CYP7B1: variants seen among roughly 807,000 people sequenced by gnomAD.
CYP7B1 encodes cytochrome P450 7B1.
A neutral mutation model predicts 42.7 loss-of-function variants in CYP7B1; 29 were observed. The ratio of observed to expected loss-of-function variants is 0.68; its 90% CI spans 0.51 to 0.93. The LOEUF (loss-of-function observed/expected upper bound fraction) is 0.93. Ranked by LOEUF, CYP7B1 falls within the 40% of genes least tolerant of loss-of-function variation. CYP7B1 has a pLI of 0.00. For missense variants in CYP7B1, 655 were observed against 600.5 expected (o/e 1.09, Z -0.95); for synonymous variants, 235 against 218.2 (o/e 1.08, Z -0.68).
intron 1 of CYP7B1, among the ~76,000 whole-genome samples, chr8:64,784,080 T>C (rs1804479266): frequency 6.6e-6 from 1 of 152,158 alleles, no homozygotes; most frequent in Non-Finnish European, 1.5e-5. Context: ...AACCAGTCTT[T>C]CATCACAGCT....
chr8:64,649,559 C>T (rs1806008402), intron 1 of CYP7B1, among the ~76,000 whole-genome samples: 1 of 152,130 alleles, frequency 6.6e-6, no homozygotes, highest in Admixed American at 6.6e-5. Flanking sequence ...GCTTTGAATT[C>T]CTTTGGATAG....
chr8:64,611,151 G>C (rs1347746641), intron 4 of CYP7B1, among the ~76,000 whole-genome samples: 1 of 151,954 alleles, frequency 6.6e-6, no homozygotes, highest in African/African-American at 2.4e-5. Context: ...ATTCCTCTCC[G>C]CTCTCAGCTG....
chr8:64,787,003 G>A (rs1303612389), intron 1 of CYP7B1, among the ~76,000 whole-genome samples: 1 of 152,240 alleles, frequency 6.6e-6, no homozygotes, highest in African/African-American at 2.4e-5. Flanking sequence ...TACAGCTGGA[G>A]CTGAGGCATC....
intron 1 of CYP7B1, among the ~76,000 whole-genome samples, chr8:64,741,694 C>G (rs1229793749): frequency 6.6e-6 from 1 of 152,198 alleles, no homozygotes; most frequent in Non-Finnish European, 1.5e-5. Context: ...GGAAATTACT[C>G]TCATACATAC....
At chr8:64,616,965 A>G (rs1240395174) in intron 2 of CYP7B1, among the ~76,000 whole-genome samples, 1 of 152,154 alleles carries the variant, frequency 6.6e-6, no homozygotes, top group Non-Finnish European at 1.5e-5. Flanking sequence ...CATTCACCAC[A>G]TTTATTAAGA....
intron 1 of CYP7B1, among the ~76,000 whole-genome samples, chr8:64,756,296 A>T (rs1227931060): frequency 2.0e-5 from 3 of 152,224 alleles, no homozygotes; most frequent in African/African-American, 7.2e-5. Context: ...AATGAAGTTG[A>T]CTGACTAATG....
intron 1 of CYP7B1, among the ~76,000 whole-genome samples, chr8:64,684,804 A>T (rs188166762): frequency 3.3e-5 from 5 of 152,374 alleles, no homozygotes; most frequent in African/African-American, 1.2e-4. Flanking sequence ...TCCAAAGAAG[A>T]TATACAAAAT....
At chr8:64,713,572 A>G (rs532801143) in intron 1 of CYP7B1, among the ~76,000 whole-genome samples, 1 of 152,302 alleles carries the variant, frequency 6.6e-6, no homozygotes, top group Non-Finnish European at 1.5e-5. Flanking sequence ...AATGTCTGTA[A>G]CAAAAAATTA....
At chr8:64,779,099 A>G (rs562390017) in intron 1 of CYP7B1, among the ~76,000 whole-genome samples, 16 of 152,248 alleles carry the variant, frequency 1.1e-4, no homozygotes, top group African/African-American at 3.9e-4. Context: ...CTTAAAATGT[A>G]CTAGCTCTTA....
At position 64,673,721 on chromosome 8, in the gene CYP7B1, C is replaced by T. The variant is rs527435523; in HGVS notation, c.123-49182G>A. On this transcript the variant is annotated intron_variant, in intron 1 of 5. Coordinates refer to ENST00000310193, the MANE Select transcript of CYP7B1 (RefSeq NM_004820.5). The stretch of plus-strand genomic sequence containing the variant: ...CCATTGAGTTCTTAACCATAATAAA[C>T]GGGCAGACAAGGTGACAGTGGAAAC... Among the ~76,000 whole-genome samples, 5 of 152,128 alleles carry T rather than the reference C, an allele frequency of 3.3e-5. No homozygotes were observed. The South Asian group carries it at 6.2e-4, about 19-fold the overall frequency.
intron 1 of CYP7B1, among the ~76,000 whole-genome samples, chr8:64,647,270 A>T (rs1226265406): frequency 2.0e-5 from 3 of 152,168 alleles, no homozygotes; most frequent in Non-Finnish European, 4.4e-5. Context: ...CAGTAACATC[A>T]AAGATCACTG....
At chr8:64,772,953 CAATT>C (rs1255424400) in intron 1 of CYP7B1, among the ~76,000 whole-genome samples, 5 of 152,082 alleles carry the variant, frequency 3.3e-5, no homozygotes, top group Non-Finnish European at 7.4e-5. Context: ...TCACTTTGTC[CAATT>C]ATTTGCTCAA....
downstream of CYP7B1, among the ~76,000 whole-genome samples, chr8:64,586,751 C>T (rs548029500): frequency 6.6e-6 from 1 of 152,308 alleles, no homozygotes; most frequent in South Asian, 2.1e-4. Context: ...AAATTATCCA[C>T]GTGCCAAGCA....
chr8:64,623,236 C>T (rs2129630402), intron 2 of CYP7B1, among the ~76,000 whole-genome samples: 1 of 152,336 alleles, frequency 6.6e-6, no homozygotes, highest in East Asian at 1.9e-4. Flanking sequence ...TGATTCTGGA[C>T]TGCACTGTGA....
intron 1 of CYP7B1, among the ~76,000 whole-genome samples, chr8:64,772,159 A>G (rs755013305): frequency 6.6e-6 from 1 of 152,152 alleles, no homozygotes; most frequent in Non-Finnish European, 1.5e-5. Context: ...TTCCTTTACT[A>G]TCTTTTTCTA....
intron 1 of CYP7B1, among the ~76,000 whole-genome samples, chr8:64,719,022 T>G (rs965957533): frequency 2.6e-5 from 4 of 152,140 alleles, no homozygotes; most frequent in African/African-American, 9.7e-5. Context: ...GAATTTCAGC[T>G]CATAACACAC....
chr8:64,748,260 A>G (rs1173866565), intron 1 of CYP7B1, among the ~76,000 whole-genome samples: 1 of 152,078 alleles, frequency 6.6e-6, no homozygotes, highest in Non-Finnish European at 1.5e-5. Context: ...TGGGGTGTCT[A>G]CCATCTTTAA....
At chr8:64,622,377 C>A (rs905912585) in intron 2 of CYP7B1, among the ~76,000 whole-genome samples, 1 of 152,116 alleles carries the variant, frequency 6.6e-6, no homozygotes, top group African/African-American at 2.4e-5. Context: ...AAGAAAAAGG[C>A]ATGCATGTAG....
intron 1 of CYP7B1, among the ~76,000 whole-genome samples, chr8:64,725,168 A>G (rs754397686): frequency 1.3e-5 from 2 of 152,230 alleles, no homozygotes; most frequent in Non-Finnish European, 2.9e-5. Context: ...AAACCTACAC[A>G]TAAAAATAGG....
Sources: allele counts gnomAD v4.1 joint callset (sites outside exome capture counted in the v4.1 genomes callset), GRCh38; gene constraint gnomAD v4.1.1; transcripts MANE v1.5; gene names NCBI Gene and HGNC (gene_info 2026-07-23, HGNC 2026-07-21).